The following LRRN3 variants were observed in gnomAD, a reference collection of about 807,000 sequenced individuals.
The protein encoded by LRRN3 is leucine-rich repeat neuronal protein 3.
In LRRN3, 15 loss-of-function variants were observed where a neutral mutation model predicts 40.1. That is an observed-to-expected ratio of 0.37 (90% CI 0.25 to 0.58). The LOEUF (loss-of-function observed/expected upper bound fraction) is 0.58, where lower values mean the gene tolerates loss of function less well. Ranked by LOEUF, LRRN3 falls within the 20% of genes least tolerant of loss-of-function variation. LRRN3 has a pLI of 0.72. For missense variants in LRRN3, 746 were observed against 837.7 expected (o/e 0.89, Z 1.35); for synonymous variants, 308 against 297.2 (o/e 1.04, Z -0.37).
In LRRN3 at chr7:111,124,026, T is replaced by C. The variant is rs1166107731; in HGVS notation, c.1254T>C (p.Ile418=). 5.0e-6 allele frequency: 8 copies of C among 1,614,086 alleles called. 1 individual carries two copies. The East Asian group carries it at 6.7e-5, about 13-fold the overall frequency. The change falls in exon 3 of 3, where the codon ATT becomes ATC. Residue 418 remains isoleucine, a synonymous_variant. Transcript: ENST00000308478. Reference sequence around the variant, plus strand: ...TGCATTTCAGGGACATGATGGAAATTTGTCTCCCTCTTATAGCTCCTGAGA... The same window carrying C: ...TGCATTTCAGGGACATGATGGAAATCTGTCTCCCTCTTATAGCTCCTGAGA... The part of the protein sequence containing the change: ...RQVHFRDMME[I]CLPLIAPESF...
At chr7:111,095,675 T>C (rs1280017412) in intron 1 of LRRN3, among the ~76,000 whole-genome samples, 2 of 152,020 alleles carry the variant, frequency 1.3e-5, no homozygotes. Flanking sequence ...CTACAGAGAC[T>C]CAGCTATTGA....
At chr7:111,104,813 T>C (rs1471503601) in intron 2 of LRRN3, among the ~76,000 whole-genome samples, 2 of 151,740 alleles carry the variant, frequency 1.3e-5, no homozygotes, top group Non-Finnish European at 2.9e-5. Flanking sequence ...TCGCATCTCA[T>C]TGGAAGCAGG....
chr7:111,124,758 G>A lies in LRRN3; in HGVS notation c.1986G>A (p.Val662=), dbSNP rs199968425. The A allele has an allele frequency of 5.6e-6, 9 of 1,613,812 alleles. No homozygotes were observed. Among genetic ancestry groups the A allele is most frequent in the Admixed American group, 1.7e-5 (1 of 59,982 alleles). Residue 662 remains valine (V), a synonymous_variant, in exon 3 of 3, where the codon GTG becomes GTA. Transcript: ENST00000308478. ...ACTGTGATGGTGGACACAGCTATGT[G>A]AGGAATTACTTACAGAAACCAACCT... ...EMNCDGGHSY[V]RNYLQKPTFA...
At chr7:111,098,827 A>G (rs1797672146) in intron 1 of LRRN3, among the ~76,000 whole-genome samples, 1 of 151,786 alleles carries the variant, frequency 6.6e-6, no homozygotes, top group Non-Finnish European at 1.5e-5. Flanking sequence ...GCCTTTGTGC[A>G]TGAGGCAACA....
At chr7:111,095,181 T>C (rs1797275392) in intron 1 of LRRN3, among the ~76,000 whole-genome samples, 1 of 152,114 alleles carries the variant, frequency 6.6e-6, no homozygotes, top group African/African-American at 2.4e-5. Context: ...AATAAAATTT[T>C]TGAACTGAAA....
intron 1 of LRRN3, among the ~76,000 whole-genome samples, chr7:111,095,096 T>C (rs1797267043): frequency 6.6e-6 from 1 of 152,042 alleles, no homozygotes; most frequent in Non-Finnish European, 1.5e-5. Context: ...AAGAATTTTC[T>C]ATGGTGCCAT....
intron 2 of LRRN3, among the ~76,000 whole-genome samples, chr7:111,112,362 A>G (rs1799338495): frequency 6.6e-6 from 1 of 152,208 alleles, no homozygotes; most frequent in Non-Finnish European, 1.5e-5. Flanking sequence ...CAAGAACTTT[A>G]ACTCTGTCTG....
At chr7:111,104,788 T>C (rs1798360636) in intron 2 of LRRN3, among the ~76,000 whole-genome samples, 1 of 151,746 alleles carries the variant, frequency 6.6e-6, no homozygotes, top group Non-Finnish European at 1.5e-5. Flanking sequence ...AAAATATGCA[T>C]AGAAATACCC....
chr7:111,103,849 T>A (rs528591586), intron 2 of LRRN3, among the ~76,000 whole-genome samples: 25 of 151,642 alleles, frequency 1.6e-4, no homozygotes, highest in Non-Finnish European at 3.5e-4. Context: ...AACAATGACA[T>A]GGCAGCAGCA....
chr7:111,101,674 A>G (rs1200084419), intron 2 of LRRN3, among the ~76,000 whole-genome samples: 2 of 151,464 alleles, frequency 1.3e-5, no homozygotes, highest in African/African-American at 4.8e-5. Context: ...TTCAATAGGT[A>G]TATTGTCTTG....
intron 1 of LRRN3, among the ~76,000 whole-genome samples, chr7:111,094,528 C>T (rs2129578403): frequency 1.3e-5 from 2 of 152,244 alleles, no homozygotes; most frequent in East Asian, 3.9e-4. Flanking sequence ...ATGTATCACT[C>T]TTTGGTACAT....
intron 1 of LRRN3, among the ~76,000 whole-genome samples, chr7:111,093,288 A>C (rs1050362234): frequency 2.0e-5 from 3 of 152,182 alleles, no homozygotes; most frequent in Non-Finnish European, 4.4e-5. Context: ...AATCTATAAA[A>C]AAAACCAAAA....
chr7:111,096,508 TA>T (rs5886589), intron 1 of LRRN3, among the ~76,000 whole-genome samples: 5,744 of 144,770 alleles, frequency 0.04, 346 homozygotes, highest in African/African-American at 0.14. Context: ...GAGTTAAATT[TA>T]AAAAAAAAAA....
chr7:111,122,100 A>G (rs1322945474), intron 2 of LRRN3, among the ~76,000 whole-genome samples: 3 of 151,548 alleles, frequency 2.0e-5, no homozygotes, highest in Non-Finnish European at 1.5e-5. Flanking sequence ...GAGGGATAGC[A>G]TTAGGAGATA....
chr7:111,124,277 T>C lies in LRRN3; in HGVS notation c.1505T>C (p.Val502Ala). The C allele has an allele frequency of 1.2e-6, 2 of 1,614,018 alleles. No individual in the cohort carries two copies. Among genetic ancestry groups the C allele is most frequent in the Non-Finnish European group, 8.5e-7 (1 of 1,179,984 alleles). The change falls in exon 3 of 3, where the codon GTT (valine) becomes GCT (alanine). Residue 502 changes from valine (V) to alanine (A), a missense_variant. Coordinates refer to ENST00000308478, the MANE Select transcript of LRRN3 (RefSeq NM_001099658.2). ...GLYTCIATNL[V>A]GADLKSVMIK... ...TATACTTGTATAGCAACTAACCTAGTTGGCGCTGACTTGAAGTCTGTTATG... is the reference window on the plus strand; with the variant it reads ...TATACTTGTATAGCAACTAACCTAGCTGGCGCTGACTTGAAGTCTGTTATG...
At chr7:111,106,138 G>GC (rs1273920841) in intron 2 of LRRN3, among the ~76,000 whole-genome samples, 1 of 151,934 alleles carries the variant, frequency 6.6e-6, no homozygotes, top group African/African-American at 2.4e-5. Context: ...GCACATTGGA[G>GC]CAGACAAATT....
chr7:111,102,898 C>T (rs1798132775), intron 2 of LRRN3, among the ~76,000 whole-genome samples: 2 of 151,242 alleles, frequency 1.3e-5, no homozygotes, highest in African/African-American at 4.8e-5. Flanking sequence ...TTTTTTTAAA[C>T]GTTAATTAAA....
chr7:111,125,129 T>C lies in LRRN3; in HGVS notation c.*230T>C. On this transcript the variant is annotated 3_prime_UTR_variant, in exon 3 of 3. Transcript: ENST00000308478. ...GGGGTACTGTGGCAACCAAATAAAA[T>C]AACTCCATTTTCTAAAACTTTCATG... 2.4e-6 allele frequency: 1 copy of C among 413,836 alleles called. No individual in the cohort carries two copies. The highest frequency in any genetic ancestry group is 4.0e-5 in the East Asian group (1 of 24,826). 25.6% of individuals were successfully genotyped at this position (413,836 alleles called of 1,614,324 possible). A position where few individuals can be genotyped will look rare whatever the true frequency, so the allele number is the denominator to read the frequency against.
intron 2 of LRRN3, among the ~76,000 whole-genome samples, chr7:111,119,508 C>T (rs920905915): frequency 1.3e-5 from 2 of 152,142 alleles, no homozygotes; most frequent in Non-Finnish European, 2.9e-5. Flanking sequence ...ATTAACTTTT[C>T]TCTTAAAGTC....
Sources: allele counts gnomAD v4.1 joint callset (sites outside exome capture counted in the v4.1 genomes callset), GRCh38; gene constraint gnomAD v4.1.1; transcripts MANE v1.5; gene names NCBI Gene and HGNC (gene_info 2026-07-23, HGNC 2026-07-21).